The following HEXB variants were observed in gnomAD, a reference collection of about 807,000 sequenced individuals.
HEXB encodes the protein beta-hexosaminidase subunit beta.
In HEXB, 51 loss-of-function variants were observed where a neutral mutation model predicts 71.2. The observed-to-expected ratio is 0.72, with a 90% CI of 0.57 to 0.90. HEXB has a LOEUF of 0.90. Ranked by LOEUF, HEXB falls within the 40% of genes least tolerant of loss-of-function variation. HEXB has a pLI of 0.00. For missense variants in HEXB, 617 were observed against 677.0 expected (o/e 0.91, Z 0.98); for synonymous variants, 266 against 249.3 (o/e 1.07, Z -0.63).
At chr5:74,698,564 G>C (rs1175935894) in intron 5 of HEXB, among the ~76,000 whole-genome samples, 1 of 150,666 alleles carries the variant, frequency 6.6e-6, no homozygotes, top group Admixed American at 6.6e-5. Flanking sequence ...GCTAATTTTT[G>C]TATTTTTAGT....
rs145791278 is a variant in HEXB, at chr5:74,652,515, T to C, written c.-377+11957T>C. On this transcript the variant is annotated intron_variant, in intron 1 of 13. Coordinates refer to the HEXB transcript ENST00000511181. This position sits in a 1 kb window ranked among gnomAD's most constrained non-coding sequence, Gnocchi z 5.4. Reference sequence around the variant, plus strand: ...TTTTTTACATTCAAAAGAGTCCTCATAGTTGGGTATAGTTAGGACAAACAG... The same window carrying C: ...TTTTTTACATTCAAAAGAGTCCTCACAGTTGGGTATAGTTAGGACAAACAG... 6.6e-6 allele frequency among the ~76,000 whole-genome samples: 1 copy of C among 152,354 alleles called. No individual in the cohort carries two copies. The highest frequency in any genetic ancestry group is 1.9e-4 in the East Asian group (1 of 5,186).
chr5:74,712,556 G>A (rs1580394753), intron 6 of HEXB, among the ~76,000 whole-genome samples: 1 of 152,126 alleles, frequency 6.6e-6, no homozygotes, highest in Non-Finnish European at 1.5e-5. Context: ...CTCCATAATT[G>A]TGGTGAGTTA....
At chr5:74,676,327 G>C (rs1748629031) in intron 1 of HEXB, among the ~76,000 whole-genome samples, 1 of 152,158 alleles carries the variant, frequency 6.6e-6, no homozygotes, top group African/African-American at 2.4e-5. Flanking sequence ...TTCTTGTAAA[G>C]ACGGTGTCTC....
At chr5:74,712,883 A>G (rs1475194743) in intron 6 of HEXB, among the ~76,000 whole-genome samples, 2 of 152,164 alleles carry the variant, frequency 1.3e-5, no homozygotes, top group African/African-American at 2.4e-5. Flanking sequence ...ATTGAGTTCT[A>G]ATTTTTCAAG....
chr5:74,701,145 A>C (rs1054000590), intron 5 of HEXB, among the ~76,000 whole-genome samples: 54 of 151,862 alleles, frequency 3.6e-4, no homozygotes, highest in African/African-American at 1.3e-3. Context: ...GGCCTCTCAA[A>C]GTGCTGGGAT....
chr5:74,653,504 G>T (rs1279043591), intron 1 of HEXB, among the ~76,000 whole-genome samples: 1 of 152,140 alleles, frequency 6.6e-6, no homozygotes, highest in Admixed American at 6.6e-5. Flanking sequence ...AACCTTCCAG[G>T]CCATGGTTTC....
At chr5:74,692,373 G>A (rs1749022362) in intron 2 of HEXB, among the ~76,000 whole-genome samples, 2 of 151,800 alleles carry the variant, frequency 1.3e-5, no homozygotes, top group South Asian at 4.2e-4. Context: ...AATTAGCCAG[G>A]CGTGGTGGCA....
intron 2 of HEXB, among the ~76,000 whole-genome samples, chr5:74,690,909 A>G (rs939907129): frequency 2.0e-5 from 3 of 152,202 alleles, no homozygotes; most frequent in Non-Finnish European, 4.4e-5. Flanking sequence ...TTCAATTGAT[A>G]CTCAGCACTC....
intron 1 of HEXB, among the ~76,000 whole-genome samples, chr5:74,646,066 G>A (rs567760096): frequency 1.4e-4 from 21 of 151,808 alleles, no homozygotes; most frequent in African/African-American, 5.1e-4. Flanking sequence ...GCAATATCTC[G>A]GTGCCTTCAT....
At chr5:74,662,356 C>T (rs1378095466) in intron 1 of HEXB, among the ~76,000 whole-genome samples, 2 of 152,142 alleles carry the variant, frequency 1.3e-5, no homozygotes, top group African/African-American at 2.4e-5. Flanking sequence ...TGCTTCTTTG[C>T]CCATTTTGTT....
At position 74,652,244 on chromosome 5, in the gene HEXB, G is replaced by T. The variant is rs1748126641; in HGVS notation, c.-377+11686G>T. 6.6e-6 allele frequency among the ~76,000 whole-genome samples: 1 copy of T among 152,150 alleles called. No homozygotes were observed. Among genetic ancestry groups the T allele is most frequent in the Non-Finnish European group, 1.5e-5 (1 of 68,026 alleles). On this transcript the variant is annotated intron_variant, in intron 1 of 13. Transcript: ENST00000511181. This position sits in a 1 kb window ranked among gnomAD's most constrained non-coding sequence, Gnocchi z 5.4. The stretch of plus-strand genomic sequence containing the variant: ...TAGATACTATCATTATCTCCATTTT[G>T]CTCATGAGGAAACAGGGGCAATGAT...
chr5:74,719,112 C>T, intron 11 of HEXB, 141 bp downstream of exon 11: 1 of 759,988 alleles, frequency 1.3e-6, no homozygotes, highest in Non-Finnish European at 2.3e-6. Flanking sequence ...TACCTACCAA[C>T]TATCTTTTAT....
chr5:74,690,480 T>G (rs1450635122), intron 2 of HEXB, among the ~76,000 whole-genome samples: 1 of 151,414 alleles, frequency 6.6e-6, no homozygotes, highest in Admixed American at 6.6e-5. Context: ...TGAAACTGCA[T>G]CCCTACTAAA....
intron 5 of HEXB, among the ~76,000 whole-genome samples, chr5:74,704,354 A>T (rs1749330554): frequency 6.6e-6 from 1 of 152,132 alleles, no homozygotes. Context: ...TTGTTGGACA[A>T]ATCTTCTCCC....
rs530891307 is a variant in HEXB at position 74,657,062 on chromosome 5, G to C, written c.-377+16504G>C. Among the ~76,000 whole-genome samples, 8 of 152,152 alleles carry C rather than the reference G, an allele frequency of 5.3e-5. No homozygotes were observed. The East Asian group carries it at 1.5e-3, about 29-fold the overall frequency. On this transcript the variant is annotated intron_variant, in intron 1 of 13. Transcript: ENST00000511181. ...CTTTAGCCTCTCAGCTCCCTCTAAG[G>C]CTCTTCCACAGTCACCCCTGGTCAA... is the stretch of plus-strand genomic sequence containing the variant.
At chr5:74,655,012 T>G (rs973702531) in intron 1 of HEXB, among the ~76,000 whole-genome samples, 1 of 152,122 alleles carries the variant, frequency 6.6e-6, no homozygotes, top group African/African-American at 2.4e-5. Flanking sequence ...CGGACGGATC[T>G]GGATCCCACA....
chr5:74,669,725 A>G (rs1451082352), intron 1 of HEXB, among the ~76,000 whole-genome samples: 1 of 152,124 alleles, frequency 6.6e-6, no homozygotes. Context: ...GGAGAGAGGG[A>G]GGATTTCCAG....
At chr5:74,665,919 A>C (rs1748423996) in intron 1 of HEXB, among the ~76,000 whole-genome samples, 1 of 152,230 alleles carries the variant, frequency 6.6e-6, no homozygotes. Context: ...AGCTATGAAA[A>C]TATACCTTGC....
rs769814524 is a variant in HEXB at position 74,689,425 on chromosome 5, C to T, written c.397C>T (p.Leu133Phe). 3 of 1,613,394 alleles carry T rather than the reference C, an allele frequency of 1.9e-6. No homozygotes were observed. The East Asian group carries it at 6.7e-5, about 36-fold the overall frequency. Residue 133 changes from leucine (L) to phenylalanine (F), a missense_variant, in exon 2 of 14, where the codon CTT (leucine) becomes TTT (phenylalanine). Leu to Phe is a conservative substitution (Grantham distance 22). Coordinates refer to ENST00000261416, the MANE Select transcript of HEXB (RefSeq NM_000521.4). ...QVQQLLVSIT[L>F]QSECDAFPNI... Reference sequence around the variant, plus strand: ...TCAGCAACTTCTTGTCTCAATCACCCTTCAGTCAGAGTGTGATGCTTTCCC... The same window carrying T: ...TCAGCAACTTCTTGTCTCAATCACCTTTCAGTCAGAGTGTGATGCTTTCCC...
Sources: gnomAD v4.1 joint callset for allele counts (sites outside exome capture counted in the v4.1 genomes callset) on GRCh38, gnomAD v4.1.1 for gene constraint, Gnocchi (gnomAD v3.1) non-coding constraint, MANE v1.5 for transcripts, NCBI Gene and HGNC (gene_info 2026-07-23, HGNC 2026-07-21) for gene names.